Variants in CCDC171 observed in about 807,000 individuals in gnomAD.
CCDC171 encodes coiled-coil domain containing 171.
A neutral mutation model predicts 168.2 loss-of-function variants in CCDC171; 177 were observed. That is an observed-to-expected ratio of 1.05 (90% CI 0.93 to 1.19). The LOEUF (loss-of-function observed/expected upper bound fraction) is 1.19. Ranked by LOEUF, CCDC171 falls within the 50% of genes most tolerant of loss-of-function variation. The probability of loss-of-function intolerance (pLI) is 0.00; values close to 1 mark genes in which losing one functional copy is unlikely to be tolerated. For missense variants in CCDC171, 1,991 were observed against 1,539.0 expected (o/e 1.29, Z -4.91); for synonymous variants, 687 against 540.8 (o/e 1.27, Z -3.75).
At chr9:15,984,408 G>A (rs1831913905) in intron 3 of CCDC171, among the ~76,000 whole-genome samples, 2 of 145,232 alleles carry the variant, frequency 1.4e-5, no homozygotes, top group South Asian at 4.5e-4. Context: ...GTATATATAT[G>A]AGTGTGTGTG....
chr9:15,589,253 C>G (rs1478851165), intron 4 of CCDC171, among the ~76,000 whole-genome samples: 1 of 152,124 alleles, frequency 6.6e-6, no homozygotes, highest in Non-Finnish European at 1.5e-5. Context: ...TTTATGTCCT[C>G]TTCTCCCTTC....
intron 4 of CCDC171, among the ~76,000 whole-genome samples, chr9:15,584,201 T>G (rs1440213525): frequency 6.6e-6 from 1 of 152,248 alleles, no homozygotes; most frequent in African/African-American, 2.4e-5. Context: ...TTAAGATCCT[T>G]AGTTTTGCTC....
chr9:16,104,670 A>G, the CCDC171 span, among the ~76,000 whole-genome samples: 2 of 151,480 alleles, frequency 1.3e-5, no homozygotes, highest in Non-Finnish European at 2.9e-5. Flanking sequence ...CCATCCATCC[A>G]TTCATCCACC....
rs539520397 is a variant in CCDC171, at chr9:15,817,782, A to G, written c.3268-28920A>G. Among the ~76,000 whole-genome samples, 13 of 118,580 alleles carry G rather than the reference A, an allele frequency of 1.1e-4. 2 individuals are homozygous for G. In the South Asian group the frequency reaches 3.3e-3, roughly 30 times the overall value. The allele number at this position is 118,580 out of a possible 152,430, so 77.8% of individuals were successfully genotyped here. A position where few individuals can be genotyped will look rare whatever the true frequency, so the allele number is the denominator to read the frequency against. ...TACCTCTGGGGGCAGGGCACAGACA[A>G]ACAAAAGGCAGCAATAACCTCTGCA... On this transcript the variant is annotated intron_variant, in intron 21 of 25. Coordinates refer to ENST00000380701, the MANE Select transcript of CCDC171 (RefSeq NM_173550.4).
At position 16,008,959 on chromosome 9, in the gene CCDC171, C is replaced by A. The variant is rs1330895789; in HGVS notation, n.369-11630C>A. 2.0e-5 allele frequency among the ~76,000 whole-genome samples: 3 copies of A among 152,188 alleles called. No individual in the cohort carries two copies. In the East Asian group the frequency reaches 5.8e-4, roughly 29 times the overall value. On this transcript the variant is annotated intron_variant and non_coding_transcript_variant, in intron 3 of 9. Coordinates refer to the CCDC171 transcript ENST00000486641. Reference sequence around the variant, plus strand: ...TCATATAAGCAGGCCCTTGGCCAGTCCAGGCCCCCAACACTTCTTTTGCCT... The same window carrying A: ...TCATATAAGCAGGCCCTTGGCCAGTACAGGCCCCCAACACTTCTTTTGCCT...
intron 24 of CCDC171, among the ~76,000 whole-genome samples, chr9:15,914,414 G>C (rs1251160824): frequency 1.3e-5 from 2 of 152,190 alleles, no homozygotes; most frequent in Non-Finnish European, 2.9e-5. Flanking sequence ...GCTCTGTCCA[G>C]TCAGAACTTC....
the CCDC171 span, among the ~76,000 whole-genome samples, chr9:16,077,137 C>A: frequency 6.6e-6 from 1 of 152,032 alleles, no homozygotes; most frequent in Non-Finnish European, 1.5e-5. Context: ...GACTTCCCAG[C>A]CTGGTGGAAA....
rs2054036797 is a variant in CCDC171, at chr9:15,729,733, A to G, written c.1984A>G (p.Arg662Gly). ...QIKAQESCWH[R>G]QKKELELQYS... ...CAAAGCCCAAGAGAGCTGCTGGCAC[A>G]GACAAAAGAAGGAACTAGAGCTGCA... The change falls in exon 16 of 26, where the codon AGA becomes GGA. Residue 662 changes from arginine (R) to glycine (G), a missense_variant. Physicochemically the swap from Arg to Gly is moderately radical, Grantham distance 125 (BLOSUM62 -2). Coordinates refer to ENST00000380701, the MANE Select transcript of CCDC171 (RefSeq NM_173550.4). The G allele has an allele frequency of 1.2e-6, 2 of 1,613,470 alleles. No individual in the cohort carries two copies. Among genetic ancestry groups the G allele is most frequent in the Non-Finnish European group, 8.5e-7 (1 of 1,179,526 alleles).
At chr9:15,909,349 T>C (rs922847263) in intron 24 of CCDC171, among the ~76,000 whole-genome samples, 2 of 152,198 alleles carry the variant, frequency 1.3e-5, no homozygotes, top group Non-Finnish European at 2.9e-5. Flanking sequence ...ATCAGGATTC[T>C]TCTCAGCTGA....
Position 15,690,039 on chromosome 9 carries a change from A to G in CCDC171, c.1216-5196A>G, listed in dbSNP as rs1238121974. Among the ~76,000 whole-genome samples the G allele has an allele frequency of 2.6e-5, 4 of 152,310 alleles. No individual in the cohort carries two copies. In the East Asian group the frequency reaches 7.7e-4, roughly 29 times the overall value. On this transcript the variant is annotated intron_variant, in intron 10 of 25. Transcript: ENST00000380701. Reference sequence around the variant, plus strand: ...GAATGAATTTACCTCAGCCTGGGCGACAGAGGGAAACTCCATCTCAAAACA... The same window carrying G: ...GAATGAATTTACCTCAGCCTGGGCGGCAGAGGGAAACTCCATCTCAAAACA...
At position 15,779,176 on chromosome 9, in the gene CCDC171, G is replaced by C. The variant is rs771458725; in HGVS notation, c.3081+26G>C. The C allele has an allele frequency of 6.7e-6, 9 of 1,344,370 alleles. No homozygotes were observed. In the East Asian group the frequency reaches 1.6e-4, roughly 24 times the overall value. The allele number at this position is 1,344,370 out of a possible 1,614,324, so 83.3% of individuals were successfully genotyped here. On this transcript the variant is annotated intron_variant, in intron 20 of 25. Coordinates refer to ENST00000380701, the MANE Select transcript of CCDC171 (RefSeq NM_173550.4). Reference sequence around the variant, plus strand: ...GTAAGTATATATCATTTAGGAAACTGTTGCTTTGCTGATATATATTTCTTT... The same window carrying C: ...GTAAGTATATATCATTTAGGAAACTCTTGCTTTGCTGATATATATTTCTTT...
At chr9:16,091,929 A>G in the CCDC171 span, among the ~76,000 whole-genome samples, 7 of 152,230 alleles carry the variant, frequency 4.6e-5, no homozygotes, top group African/African-American at 1.2e-4. Context: ...GAACAAAGAC[A>G]TAAGAGGGAA....
chr9:15,810,722 C>T (rs1336782507), intron 21 of CCDC171, among the ~76,000 whole-genome samples: 6 of 152,206 alleles, frequency 3.9e-5, no homozygotes, highest in South Asian at 4.1e-4. Context: ...AGCCCACGCC[C>T]ACCCGGAACT....
intron 7 of CCDC171, among the ~76,000 whole-genome samples, chr9:15,638,149 G>T (rs1157157210): frequency 2.6e-5 from 4 of 152,094 alleles, no homozygotes; most frequent in Admixed American, 6.5e-5. Context: ...AGCTTTGAAG[G>T]TAGTCTAGAT....
chr9:15,906,387 G>A (rs375158529), intron 24 of CCDC171, among the ~76,000 whole-genome samples: 72 of 152,212 alleles, frequency 4.7e-4, no homozygotes, highest in African/African-American at 1.0e-3. Flanking sequence ...ATCAATAAAC[G>A]TAATCCAGCA....
intron 7 of CCDC171, 64 bp downstream of exon 7, chr9:15,623,477 A>ACGCGCGCGCGCGCGCACGCGCGCGCG (rs1312830159): frequency 3.1e-6 from 1 of 319,968 alleles, no homozygotes; most frequent in Non-Finnish European, 5.1e-6. Context: ...GCGCGCGCGC[A>ACGCGCGCGCGCGCGCACGCGCGCGCG]CACACACACA....
chr9:15,772,899 A>G (rs916543086), intron 18 of CCDC171, among the ~76,000 whole-genome samples: 1 of 152,164 alleles, frequency 6.6e-6, no homozygotes, highest in African/African-American at 2.4e-5. Context: ...GGAAATGGAG[A>G]TGTCAGGGTT....
intron 21 of CCDC171, among the ~76,000 whole-genome samples, chr9:15,821,343 C>T (rs2059761392): frequency 8.6e-6 from 1 of 116,804 alleles, no homozygotes; most frequent in Admixed American, 8.1e-5. Flanking sequence ...CCAGGGCAAT[C>T]AGGCAGGAGA....
At chr9:15,836,331 G>C (rs2060448541) in intron 21 of CCDC171, among the ~76,000 whole-genome samples, 1 of 152,020 alleles carries the variant, frequency 6.6e-6, no homozygotes, top group South Asian at 2.1e-4. Context: ...TCTTTATCTG[G>C]AACGCTGTTG....
Sources: allele counts gnomAD v4.1 joint callset (sites outside exome capture counted in the v4.1 genomes callset), GRCh38; gene constraint gnomAD v4.1.1; transcripts MANE v1.5; gene names NCBI Gene and HGNC (gene_info 2026-07-23, HGNC 2026-07-21).